The following PTPRB variants were observed in gnomAD, a reference collection of about 807,000 sequenced individuals.
The protein encoded by PTPRB is protein tyrosine phosphatase receptor type B, also known as receptor-type tyrosine-protein phosphatase beta.
In PTPRB, 97 loss-of-function variants were observed where a neutral mutation model predicts 238.1. The ratio of observed to expected loss-of-function variants is 0.41; its 90% CI spans 0.35 to 0.48. PTPRB has a LOEUF of 0.48. Ranked by LOEUF, PTPRB falls within the 20% of genes least tolerant of loss-of-function variation. The pLI is 0.30. For missense variants in PTPRB, 2,292 were observed against 2,681.9 expected (o/e 0.85, Z 3.21); for synonymous variants, 970 against 995.4 (o/e 0.97, Z 0.48).
At chr12:70,567,347 C>T (rs530990703) in intron 14 of PTPRB, among the ~76,000 whole-genome samples, 7 of 152,152 alleles carry the variant, frequency 4.6e-5, no homozygotes, top group African/African-American at 7.2e-5. Context: ...CCTGCTTTTG[C>T]AAATTACATC....
intron 20 of PTPRB, 109 bp downstream of exon 20, chr12:70,555,051 T>A: frequency 7.6e-7 from 1 of 1,323,344 alleles, no homozygotes; most frequent in East Asian, 2.4e-5. Flanking sequence ...GATACAAAAA[T>A]TACATTTTCT....
chr12:70,564,831 T>C (rs1879021819), intron 15 of PTPRB, among the ~76,000 whole-genome samples: 1 of 68,484 alleles, frequency 1.5e-5, no homozygotes, highest in African/African-American at 6.1e-5. Context: ...AGGTTCTGTC[T>C]CCAAAAATAA....
At chr12:70,587,288 A>G in intron 8 of PTPRB, 21 bp from the exon 9 acceptor site, 1 of 1,612,514 alleles carries the variant, frequency 6.2e-7, no homozygotes, top group Non-Finnish European at 8.5e-7. Context: ...AGCAATGGAG[A>G]TGGGTCATTG....
intron 11 of PTPRB, among the ~76,000 whole-genome samples, chr12:70,574,841 A>C (rs1401046188): frequency 6.6e-6 from 1 of 152,232 alleles, no homozygotes; most frequent in Non-Finnish European, 1.5e-5. Flanking sequence ...GATGCACTGA[A>C]TAAAGAATCA....
intron 2 of PTPRB, among the ~76,000 whole-genome samples, chr12:70,631,385 G>C (rs1389868985): frequency 6.6e-6 from 1 of 152,158 alleles, no homozygotes; most frequent in East Asian, 1.9e-4. Flanking sequence ...TATGTAGAAA[G>C]CTGAAACTGG....
intron 27 of PTPRB, 67 bp downstream of exon 27, chr12:70,538,857 A>G: frequency 7.7e-7 from 1 of 1,296,458 alleles, no homozygotes; most frequent in Non-Finnish European, 1.1e-6. Context: ...GCCTCATTTC[A>G]TTTTTGGAGA....
At chr12:70,615,265 G>A (rs191517112) in intron 3 of PTPRB, among the ~76,000 whole-genome samples, 114 of 152,080 alleles carry the variant, frequency 7.5e-4, no homozygotes, top group African/African-American at 2.2e-3. Flanking sequence ...TTCCAATCTC[G>A]TACCTAAAAT....
chr12:70,539,805 A>G, intron 25 of PTPRB, 22 bp downstream of exon 25: 1 of 1,598,852 alleles, frequency 6.3e-7, no homozygotes, highest in Non-Finnish European at 8.6e-7. Flanking sequence ...TAATATAGTA[A>G]TTAATGTGTT....
chr12:70,521,654 C>T (rs1193566112), intron 33 of PTPRB, 143 bp from the exon 34 acceptor site: 3 of 589,540 alleles, frequency 5.1e-6, no homozygotes, highest in Non-Finnish European at 8.2e-6. Flanking sequence ...CTATTGGGAC[C>T]AGGTAATTCC....
chr12:70,570,704 A>G (rs970089737), intron 13 of PTPRB, among the ~76,000 whole-genome samples: 8 of 152,164 alleles, frequency 5.3e-5, no homozygotes, highest in Non-Finnish European at 7.3e-5. Flanking sequence ...TACTATGGCA[A>G]CACTCCTAAA....
chr12:70,560,923 C>A lies in PTPRB; in HGVS notation c.4180G>T (p.Val1394Leu). Residue 1394 changes from valine to leucine, a missense_variant, in exon 17 of 34, where the codon GTG becomes TTG. By Grantham distance (32) the Val-to-Leu change is conservative. This residue lies in a region of PTPRB where 683 missense variants were observed against 862.0 expected (regional missense o/e 0.79). Transcript: ENST00000334414. This position sits in a 1 kb window ranked among gnomAD's most constrained non-coding sequence, Gnocchi z 4.2. ...FIFGRTVPAS[V>L]SHLRGSNRNT... ...CGATTGGACCCCCTGAGATGACTCACAGAGGCTGGGACTTAAACAGAAGAA... is the reference window on the plus strand; with the variant it reads ...CGATTGGACCCCCTGAGATGACTCAAAGAGGCTGGGACTTAAACAGAAGAA... The A allele has an allele frequency of 6.2e-7, 1 of 1,613,296 alleles. No homozygotes were observed. Among genetic ancestry groups the A allele is most frequent in the Non-Finnish European group, 8.5e-7 (1 of 1,179,312 alleles).
intron 16 of PTPRB, 98 bp downstream of exon 16, chr12:70,562,746 C>A: frequency 7.0e-7 from 1 of 1,424,034 alleles, no homozygotes. Context: ...AAAGCTACAT[C>A]CTGAATAGAA....
intron 22 of PTPRB, among the ~76,000 whole-genome samples, chr12:70,543,633 A>G (rs550464141): frequency 8.5e-5 from 13 of 152,310 alleles, no homozygotes; most frequent in South Asian, 4.1e-4. Flanking sequence ...TTTTAGCTGT[A>G]AAGAACTTCC....
At position 70,521,718 on chromosome 12, in the gene PTPRB, G is replaced by A. The variant is rs187326693; in HGVS notation, c.6626-207C>T. On this transcript the variant is annotated intron_variant, in intron 33 of 33. Transcript: ENST00000334414. ...AAGGGACTAGTGATTCTAGCCCATC[G>A]CCTCTGTTTTTATGGATGAAGCCAT... is the stretch of plus-strand genomic sequence containing the variant. 5.8e-3 allele frequency among the ~76,000 whole-genome samples: 887 copies of A among 152,246 alleles called. 6 individuals carry two copies. Among genetic ancestry groups the A allele is most frequent in the South Asian group, 0.04 (194 of 4,822 alleles).
rs1379627346 is a variant in PTPRB at position 70,609,056 on chromosome 12, T to C, written c.979+13A>G. ...TGTGGCTTGGCCATCCAATTGCACC[T>C]GTCATCCTTTACCTGTTTGCAAGAC... is the stretch of plus-strand genomic sequence containing the variant. On this transcript the variant is annotated intron_variant, in intron 4 of 33. Coordinates refer to ENST00000334414, the MANE Select transcript of PTPRB (RefSeq NM_001109754.4). The C allele has an allele frequency of 8.7e-6, 14 of 1,613,180 alleles. No individual in the cohort carries two copies. The highest frequency in any genetic ancestry group is 1.2e-5 in the Non-Finnish European group (14 of 1,179,340).
intron 11 of PTPRB, among the ~76,000 whole-genome samples, chr12:70,574,756 A>G (rs1203843785): frequency 6.6e-6 from 1 of 152,214 alleles, no homozygotes; most frequent in Non-Finnish European, 1.5e-5. Context: ...AGTTAAACTG[A>G]TTTGTCAGGG....
At position 70,538,099 on chromosome 12, in the gene PTPRB, G is replaced by T. The variant is rs374325374; in HGVS notation, c.5946+56C>A. The T allele has an allele frequency of 9.1e-6, 13 of 1,433,728 alleles. No individual in the cohort carries two copies. The African/African-American group carries it at 1.7e-4, about 19-fold the overall frequency. 88.8% of individuals were successfully genotyped at this position (1,433,728 alleles called of 1,614,324 possible). ...GGAACATGGAGGAGTGGCATCTCCA[G>T]TGTAGCCACCCACCAAAGCCTCATC... On this transcript the variant is annotated intron_variant, in intron 28 of 33. Coordinates refer to ENST00000334414, the MANE Select transcript of PTPRB (RefSeq NM_001109754.4).
At chr12:70,544,705 G>A (rs1473612476) in intron 21 of PTPRB, 42 bp from the exon 22 acceptor site, 4 of 1,345,562 alleles carry the variant, frequency 3.0e-6, no homozygotes, top group South Asian at 2.9e-5. Flanking sequence ...ATTAGTTGTT[G>A]AACACAGTAG....
chr12:70,619,339 T>TAATGAC (rs1884825268), intron 3 of PTPRB, among the ~76,000 whole-genome samples: 1 of 152,062 alleles, frequency 6.6e-6, no homozygotes, highest in Non-Finnish European at 1.5e-5. Flanking sequence ...ATGATAATGA[T>TAATGAC]GATACTATGG....
Sources: allele counts gnomAD v4.1 joint callset (sites outside exome capture counted in the v4.1 genomes callset), GRCh38; gene constraint gnomAD v4.1.1; regional missense constraint gnomAD v4.1.1; non-coding constraint Gnocchi (gnomAD v3.1); transcripts MANE v1.5; gene names NCBI Gene and HGNC (gene_info 2026-07-23, HGNC 2026-07-21).